Variants in VWC2 observed in about 807,000 individuals in gnomAD.
The protein encoded by VWC2 is brorin.
Under a neutral mutation model 29.8 loss-of-function variants are expected in VWC2, and 14 were observed. The ratio of observed to expected loss-of-function variants is 0.47; its 90% CI spans 0.31 to 0.74. The LOEUF is 0.74. Among genes scored for constraint, VWC2 ranks in the 30% least tolerant of loss-of-function variants. VWC2 has a pLI of 0.05. For synonymous variants in VWC2, 213 were observed against 199.0 expected, an observed-to-expected ratio of 1.07 and a Z score of -0.59; for missense variants, 457 against 459.8, an observed-to-expected ratio of 0.99 and a Z score of 0.05.
chr7:49,906,879 T>C (rs191721240), intron 3 of VWC2, among the ~76,000 whole-genome samples: 1 of 152,314 alleles, frequency 6.6e-6, no homozygotes, highest in Admixed American at 6.5e-5. Flanking sequence ...ATACAGGCTT[T>C]ACTAATCAAT....
chr7:49,872,915 C>CAAAAAAAAAAAAAAAAAA (rs61473396), intron 3 of VWC2, among the ~76,000 whole-genome samples: 26 of 33,948 alleles, frequency 7.7e-4, no homozygotes, highest in East Asian at 4.5e-3. Context: ...GACTTTGTCT[C>CAAAAAAAAAAAAAAAAAA]AAAAAAAAAA....
intron 3 of VWC2, among the ~76,000 whole-genome samples, chr7:49,826,244 T>C (rs541822762): frequency 6.6e-6 from 1 of 152,308 alleles, no homozygotes; most frequent in South Asian, 2.1e-4. Context: ...CCATCACCAT[T>C]ACCAGAAGTC....
chr7:49,871,908 AACACACACACAC>A (rs72332840), intron 3 of VWC2, among the ~76,000 whole-genome samples: 1,708 of 87,888 alleles, frequency 0.019, 39 homozygotes, highest in Middle Eastern at 0.052. Flanking sequence ...TGTGTATATA[AACACACACACAC>A]ACACACACAC....
intron 3 of VWC2, among the ~76,000 whole-genome samples, chr7:49,891,857 TCTAA>T (rs1176839373): frequency 5.3e-5 from 8 of 152,250 alleles, no homozygotes; most frequent in Admixed American, 3.9e-4. Flanking sequence ...ACTATAGTAC[TCTAA>T]CTTTCTGCTA....
At position 49,918,765 on chromosome 7, in the gene VWC2, A is replaced by G. The variant is rs566180325; in HGVS notation, c.*6580A>G. The G allele has an allele frequency of 6.6e-6, 1 of 152,336 alleles. No homozygotes were observed. The highest frequency in any genetic ancestry group is 6.5e-5 in the Admixed American group (1 of 15,300). The allele number at this position is 152,336 out of a possible 1,614,324, so 9.4% of individuals were successfully genotyped here. ...ATGAAGAAGTCAACATATGGTGGGT[A>G]ACTTATCCAAATTTCAGTGATGGGC... On this transcript the variant is annotated 3_prime_UTR_variant, in exon 4 of 4. Coordinates refer to ENST00000340652, the MANE Select transcript of VWC2 (RefSeq NM_198570.5).
At chr7:49,812,519 A>G (rs1789038005) in intron 3 of VWC2, among the ~76,000 whole-genome samples, 1 of 152,186 alleles carries the variant, frequency 6.6e-6, no homozygotes, top group Non-Finnish European at 1.5e-5. Context: ...TGAGACCCTT[A>G]TAAGTATATA....
intron 2 of VWC2, among the ~76,000 whole-genome samples, chr7:49,787,827 A>C (rs904828298): frequency 6.6e-6 from 1 of 152,198 alleles, no homozygotes; most frequent in African/African-American, 2.4e-5. Flanking sequence ...CTGGTAGCAG[A>C]GTTCATGTCT....
intron 3 of VWC2, among the ~76,000 whole-genome samples, chr7:49,848,443 G>A (rs539839706): frequency 1.3e-5 from 2 of 152,344 alleles, no homozygotes; most frequent in South Asian, 2.1e-4. Flanking sequence ...CAGGACACAT[G>A]GGATCCTCTG....
intron 2 of VWC2, among the ~76,000 whole-genome samples, chr7:49,797,444 T>C (rs1338403926): frequency 6.6e-6 from 1 of 152,224 alleles, no homozygotes; most frequent in Non-Finnish European, 1.5e-5. Flanking sequence ...TTCTTCATTG[T>C]TTTGCTTCAG....
At chr7:49,865,002 C>T (rs1223232983) in intron 3 of VWC2, among the ~76,000 whole-genome samples, 1 of 85,632 alleles carries the variant, frequency 1.2e-5, no homozygotes, top group South Asian at 3.9e-4. Flanking sequence ...GTAGAGCTGC[C>T]TACTCTCAAT....
chr7:49,878,073 C>T (rs147886805), intron 3 of VWC2, among the ~76,000 whole-genome samples: 7 of 152,080 alleles, frequency 4.6e-5, no homozygotes, highest in African/African-American at 9.6e-5. Flanking sequence ...TTTCAGTGAC[C>T]GCTCCAGCTG....
rs1446281832 is a variant in VWC2 at position 49,919,825 on chromosome 7, A to G, written c.*7640A>G. Reference sequence around the variant, plus strand: ...CTGCTCTGACTGTTTTCTCTCAAGAAAAAGATTTTCATTTTAAGATAGGCA... The same window carrying G: ...CTGCTCTGACTGTTTTCTCTCAAGAGAAAGATTTTCATTTTAAGATAGGCA... On this transcript the variant is annotated 3_prime_UTR_variant, in exon 4 of 4. Transcript: ENST00000340652. 6.6e-6 allele frequency: 1 copy of G among 152,226 alleles called. No homozygotes were observed. The highest frequency in any genetic ancestry group is 1.5e-5 in the Non-Finnish European group (1 of 68,036). The allele number at this position is 152,226 out of a possible 1,614,324, so 9.4% of individuals were successfully genotyped here.
At chr7:49,783,072 T>G (rs1278319331) in intron 2 of VWC2, among the ~76,000 whole-genome samples, 1 of 152,168 alleles carries the variant, frequency 6.6e-6, no homozygotes, top group African/African-American at 2.4e-5. Flanking sequence ...TTGTAGAACC[T>G]CTAATCATTA....
At chr7:49,877,476 AAAAAAATATAT>A (rs1443656898) in intron 3 of VWC2, among the ~76,000 whole-genome samples, 5 of 43,892 alleles carry the variant, frequency 1.1e-4, no homozygotes, top group South Asian at 1.1e-3. Context: ...AAAAAAAAAA[AAAAAAATATAT>A]ATATATATAT....
At chr7:49,800,173 G>C (rs1310746854) in intron 2 of VWC2, among the ~76,000 whole-genome samples, 2 of 152,224 alleles carry the variant, frequency 1.3e-5, no homozygotes, top group Non-Finnish European at 2.9e-5. Context: ...TTCAGCTCCA[G>C]TGGCAGTAAG....
intron 2 of VWC2, among the ~76,000 whole-genome samples, chr7:49,776,351 C>T (rs1432810367): frequency 6.6e-6 from 1 of 152,208 alleles, no homozygotes; most frequent in East Asian, 1.9e-4. Flanking sequence ...TCGGTGTTCA[C>T]TTTAAAAGGG....
chr7:49,795,233 T>C (rs1045570550), intron 2 of VWC2, among the ~76,000 whole-genome samples: 1 of 152,242 alleles, frequency 6.6e-6, no homozygotes, highest in Non-Finnish European at 1.5e-5. Context: ...GTATCTTTCA[T>C]ATGTGAATTT....
downstream of VWC2, among the ~76,000 whole-genome samples, chr7:49,922,137 C>T (rs545397370): frequency 8.6e-4 from 131 of 152,136 alleles, 5 homozygotes; most frequent in South Asian, 0.026. Flanking sequence ...TTTTATTTCT[C>T]TTATTTAATG....
chr7:49,863,700 G>T (rs1468821562), intron 3 of VWC2, among the ~76,000 whole-genome samples: 1 of 152,074 alleles, frequency 6.6e-6, no homozygotes, highest in African/African-American at 2.4e-5. Context: ...GAAAGTGCTG[G>T]GATTAGAGAC....
Sources: allele counts gnomAD v4.1 joint callset (sites outside exome capture counted in the v4.1 genomes callset), GRCh38; gene constraint gnomAD v4.1.1; transcripts MANE v1.5; gene names NCBI Gene and HGNC (gene_info 2026-07-23, HGNC 2026-07-21).